Variants in MOB3B observed in about 807,000 individuals in gnomAD.
MOB3B encodes the protein MOB kinase activator 3B.
In MOB3B, 7 loss-of-function variants were observed where a neutral mutation model predicts 18.7. That is an observed-to-expected ratio of 0.37 (90% CI 0.21 to 0.70). The LOEUF (loss-of-function observed/expected upper bound fraction) is 0.70, where lower values mean the gene tolerates loss of function less well. MOB3B is among the 30% of genes least tolerant of loss of function. The pLI, the probability that MOB3B is intolerant of heterozygous loss-of-function variation, is 0.52. For synonymous variants in MOB3B, 111 were observed against 99.9 expected, an observed-to-expected ratio of 1.11 and a Z score of -0.66; for missense variants, 253 against 281.3, an observed-to-expected ratio of 0.90 and a Z score of 0.72.
At chr9:27,423,456 A>C (rs573604222) in intron 2 of MOB3B, among the ~76,000 whole-genome samples, 47 of 151,248 alleles carry the variant, frequency 3.1e-4, no homozygotes, top group African/African-American at 1.1e-3. Flanking sequence ...GCAAGCAAGC[A>C]ACTGTTGGTA....
intron 2 of MOB3B, among the ~76,000 whole-genome samples, chr9:27,416,751 G>T (rs1018689031): frequency 6.6e-6 from 1 of 151,730 alleles, no homozygotes; most frequent in African/African-American, 2.4e-5. Context: ...GCCCAGGCTG[G>T]TCTTAAACGT....
intron 1 of MOB3B, among the ~76,000 whole-genome samples, chr9:27,459,017 C>CA (rs1563874001): frequency 1.3e-5 from 2 of 151,654 alleles, no homozygotes; most frequent in African/African-American, 4.9e-5. Flanking sequence ...GTAGGCCCCC[C>CA]CCCATGTTTA....
At chr9:27,520,921 A>G (rs1820314716) in intron 1 of MOB3B, among the ~76,000 whole-genome samples, 1 of 152,206 alleles carries the variant, frequency 6.6e-6, no homozygotes, top group Non-Finnish European at 1.5e-5. Flanking sequence ...TGTCCCAAAT[A>G]TTGCATGAGT....
intron 2 of MOB3B, among the ~76,000 whole-genome samples, chr9:27,391,168 T>C (rs1821722272): frequency 6.6e-6 from 1 of 152,216 alleles, no homozygotes; most frequent in South Asian, 2.1e-4. Flanking sequence ...AACGAGGTCT[T>C]GGGAAGAAGA....
At chr9:27,429,414 C>T (rs1442425943) in intron 2 of MOB3B, among the ~76,000 whole-genome samples, 1 of 152,112 alleles carries the variant, frequency 6.6e-6, no homozygotes, top group Admixed American at 6.5e-5. Context: ...AATCTGATCT[C>T]AGAAGTCATA....
At chr9:27,370,510 G>A (rs11787692) in intron 2 of MOB3B, among the ~76,000 whole-genome samples, 79,415 of 139,580 alleles carry the variant, frequency 0.57, 22,622 homozygotes, top group African/African-American at 0.62. Context: ...CTCCATCTCA[G>A]AAAAAAAAAA....
In MOB3B at chr9:27,480,392, T is replaced by C. The variant is rs187758178; in HGVS notation, c.-198-24644A>G. ...TCGGCTCACTGCAAGCTCCGCCTCC[T>C]GGGTTCACGCCATTCTCCTGCCTCA... On this transcript the variant is annotated intron_variant, in intron 1 of 3. Coordinates refer to ENST00000262244, the MANE Select transcript of MOB3B (RefSeq NM_024761.5). Among the ~76,000 whole-genome samples the C allele has an allele frequency of 4.8e-3, 723 of 151,608 alleles. 5 individuals are homozygous for C. The highest frequency in any genetic ancestry group is 0.017 in the African/African-American group (683 of 41,302).
chr9:27,357,130 A>ATATATATATATATATG (rs1587152056), intron 3 of MOB3B, among the ~76,000 whole-genome samples: 1 of 83,516 alleles, frequency 1.2e-5, no homozygotes, highest in African/African-American at 4.4e-5. Context: ...AAATATATAT[A>ATATATATATATATATG]TATATATATA....
chr9:27,527,114 A>AT (rs1222144652), intron 1 of MOB3B, among the ~76,000 whole-genome samples: 4 of 152,182 alleles, frequency 2.6e-5, no homozygotes, highest in Non-Finnish European at 5.9e-5. Flanking sequence ...TTTTGGGAAG[A>AT]TTTTTAATTC....
At chr9:27,398,633 C>G (rs898799648) in intron 2 of MOB3B, among the ~76,000 whole-genome samples, 1 of 152,174 alleles carries the variant, frequency 6.6e-6, no homozygotes, top group Non-Finnish European at 1.5e-5. Context: ...AGTAGAAAAG[C>G]AAGCAGTGCA....
chr9:27,349,089 T>C (rs892899234), intron 3 of MOB3B, among the ~76,000 whole-genome samples: 1 of 152,382 alleles, frequency 6.6e-6, no homozygotes, highest in African/African-American at 2.4e-5. Flanking sequence ...TTCTTGTCTA[T>C]TGGTCCATTT....
At chr9:27,480,056 C>G (rs1281566639) in intron 1 of MOB3B, among the ~76,000 whole-genome samples, 5 of 118,792 alleles carry the variant, frequency 4.2e-5, no homozygotes, top group African/African-American at 1.7e-4. Context: ...GATACTGTCT[C>G]TTTAAAAAAA....
chr9:27,357,250 G>T (rs1821206239), intron 3 of MOB3B, among the ~76,000 whole-genome samples: 1 of 147,910 alleles, frequency 6.8e-6, no homozygotes, highest in African/African-American at 2.5e-5. Flanking sequence ...GCCAGGTACA[G>T]GTACTGTACT....
chr9:27,469,352 A>G (rs1026628766), intron 1 of MOB3B, among the ~76,000 whole-genome samples: 2 of 152,138 alleles, frequency 1.3e-5, no homozygotes, highest in Non-Finnish European at 2.9e-5. Context: ...TTTGGTGTCC[A>G]TGCCCAAGCT....
At chr9:27,502,043 A>T (rs962999453) in intron 1 of MOB3B, among the ~76,000 whole-genome samples, 31 of 152,208 alleles carry the variant, frequency 2.0e-4, no homozygotes, top group Middle Eastern at 3.4e-3. Context: ...TTTTTTTGCC[A>T]TCAATTTGCC....
intron 2 of MOB3B, among the ~76,000 whole-genome samples, chr9:27,442,092 A>G (rs977316613): frequency 6.6e-6 from 1 of 152,218 alleles, no homozygotes; most frequent in Non-Finnish European, 1.5e-5. Context: ...GTTATTTTTC[A>G]TAAAAAAAGT....
At chr9:27,481,511 GT>G (rs536716885) in intron 1 of MOB3B, among the ~76,000 whole-genome samples, 3 of 69,650 alleles carry the variant, frequency 4.3e-5, no homozygotes, top group Non-Finnish European at 7.5e-5. Flanking sequence ...TTTTTTTTTT[GT>G]TTTTTTTGTT....
chr9:27,509,468 G>C (rs759298097), intron 1 of MOB3B, among the ~76,000 whole-genome samples: 25 of 152,036 alleles, frequency 1.6e-4, no homozygotes, highest in Non-Finnish European at 3.4e-4. Context: ...CCAGGCTTGA[G>C]GGCAGAGGTG....
chr9:27,339,615 T>C (rs1341502117), intron 3 of MOB3B, among the ~76,000 whole-genome samples: 1 of 152,240 alleles, frequency 6.6e-6, no homozygotes, highest in African/African-American at 2.4e-5. Flanking sequence ...TGTGGTATCA[T>C]TCTTATTTTA....
Sources: gnomAD v4.1 joint callset for allele counts (sites outside exome capture counted in the v4.1 genomes callset) on GRCh38, gnomAD v4.1.1 for gene constraint, MANE v1.5 for transcripts, NCBI Gene and HGNC (gene_info 2026-07-23, HGNC 2026-07-21) for gene names.